The following GYPB variants were observed in gnomAD, a reference collection of about 807,000 sequenced individuals.
The protein encoded by GYPB is glycophorin B (MNS blood group).
In GYPB, 13 loss-of-function variants were observed where a neutral mutation model predicts 15.3. That is an observed-to-expected ratio of 0.85 (90% CI 0.55 to 1.35). The LOEUF is 1.35. Among genes scored for constraint, GYPB ranks in the 40% most tolerant of loss-of-function variants. GYPB has a pLI of 0.00. For missense variants in GYPB, 131 were observed against 108.3 expected (o/e 1.21, Z -0.93); for synonymous variants, 38 against 36.9 (o/e 1.03, Z -0.11).
At chr4:144,009,927 T>G (rs1728132879) in intron 1 of GYPB, among the ~76,000 whole-genome samples, 2 of 144,896 alleles carry the variant, frequency 1.4e-5, no homozygotes, top group Non-Finnish European at 3.1e-5. Flanking sequence ...TTGATTTTTT[T>G]AAGCACTTAA....
intron 1 of GYPB, among the ~76,000 whole-genome samples, chr4:144,009,037 A>G (rs1331806261): frequency 6.6e-6 from 1 of 151,490 alleles, no homozygotes; most frequent in East Asian, 1.9e-4. Context: ...TAGAAATAAC[A>G]TCATTTGCCA....
intron 2 of GYPB, 147 bp from the exon 3 acceptor site, chr4:143,999,596 C>T (rs886188121): frequency 1.7e-6 from 1 of 593,252 alleles, no homozygotes; most frequent in South Asian, 2.1e-5. Context: ...TAGCTAGTAA[C>T]ATTTATGAGG....
In GYPB at chr4:144,000,723, C is replaced by A. The variant is rs547787220; in HGVS notation, c.136+462G>T. Among the ~76,000 whole-genome samples, 212 of 151,164 alleles carry A rather than the reference C, an allele frequency of 1.4e-3. 1 individual carries two copies. Among genetic ancestry groups the A allele is most frequent in the Admixed American group, 3.1e-3 (47 of 15,244 alleles). ...AGCTAATAACTTTTAGACACTTCTTCTTATTTAGCCTTTAGAGAAATGCTG... is the reference window on the plus strand; with the variant it reads ...AGCTAATAACTTTTAGACACTTCTTATTATTTAGCCTTTAGAGAAATGCTG... On this transcript the variant is annotated intron_variant, in intron 2 of 4. Coordinates refer to ENST00000502664, the MANE Select transcript of GYPB (RefSeq NM_002100.6).
intron 1 of GYPB, among the ~76,000 whole-genome samples, chr4:144,007,858 A>G (rs2323429): frequency 0.96 from 144,681 of 150,644 alleles, 70,050 homozygotes; most frequent in South Asian, 1. Context: ...TACTAGCCTC[A>G]AACTCCTAGG....
intron 1 of GYPB, among the ~76,000 whole-genome samples, chr4:144,009,164 T>A (rs1728081806): frequency 6.6e-6 from 1 of 151,308 alleles, no homozygotes; most frequent in African/African-American, 2.5e-5. Flanking sequence ...AGCTCATCAG[T>A]GTGTGAAACA....
intron 1 of GYPB, among the ~76,000 whole-genome samples, chr4:144,017,644 A>G (rs1020216182): frequency 1.3e-5 from 2 of 150,946 alleles, no homozygotes; most frequent in African/African-American, 2.5e-5. Context: ...TTTGCCAGGA[A>G]CCCTTTCCAA....
chr4:144,002,833 T>A (rs1388143559), intron 1 of GYPB: 3 of 429,018 alleles, frequency 7.0e-6, no homozygotes, highest in African/African-American at 6.3e-5. Context: ...GAAGACATGA[T>A]CTATTGTTCC....
chr4:143,998,813 G>T (rs986250864), intron 3 of GYPB, among the ~76,000 whole-genome samples: 3 of 145,230 alleles, frequency 2.1e-5, no homozygotes, highest in Non-Finnish European at 4.5e-5. Flanking sequence ...AAGTACTCAG[G>T]GTTGGTTAGA....
chr4:144,005,491 C>T (rs1259279051), intron 1 of GYPB, among the ~76,000 whole-genome samples: 1 of 151,890 alleles, frequency 6.6e-6, no homozygotes, highest in African/African-American at 2.4e-5. Context: ...TTTTTTTCCA[C>T]ACTAATTTAT....
At chr4:144,017,699 G>A (rs1018140498) in intron 1 of GYPB, among the ~76,000 whole-genome samples, 1 of 151,316 alleles carries the variant, frequency 6.6e-6, no homozygotes, top group African/African-American at 2.5e-5. Context: ...CAAATGCTGG[G>A]CACACCCCCA....
chr4:144,006,113 A>G (rs1339109657), intron 1 of GYPB, among the ~76,000 whole-genome samples: 2 of 151,846 alleles, frequency 1.3e-5, no homozygotes, highest in African/African-American at 4.9e-5. Flanking sequence ...TTCAGTTTTC[A>G]GGCACTGAAA....
chr4:144,000,250 A>T (rs528718605), intron 2 of GYPB: 1 of 214,736 alleles, frequency 4.7e-6, no homozygotes, highest in East Asian at 1.4e-4. Context: ...TGTGGGTGCT[A>T]TATGGGCTTT....
At chr4:144,000,379 A>T in intron 2 of GYPB, 1 of 904,398 alleles carries the variant, frequency 1.1e-6, no homozygotes, top group Non-Finnish European at 1.5e-6. Context: ...AACTAAGAAC[A>T]TAACGTTTTT....
intron 1 of GYPB, among the ~76,000 whole-genome samples, chr4:144,015,877 G>A (rs1349518696): frequency 6.6e-6 from 1 of 150,972 alleles, no homozygotes; most frequent in Non-Finnish European, 1.5e-5. Flanking sequence ...ATAGACACAG[G>A]AAAACTGAGG....
At chr4:144,006,345 G>A (rs1350592388) in intron 1 of GYPB, among the ~76,000 whole-genome samples, 1 of 151,952 alleles carries the variant, frequency 6.6e-6, no homozygotes, top group Non-Finnish European at 1.5e-5. Context: ...TTGGGGGAGA[G>A]AGCATGGACT....
At chr4:144,007,600 A>G (rs1727989736) in intron 1 of GYPB, among the ~76,000 whole-genome samples, 1 of 151,564 alleles carries the variant, frequency 6.6e-6, no homozygotes, top group Non-Finnish European at 1.5e-5. Context: ...CAGCCAGTGC[A>G]CATTCTTCAG....
intron 1 of GYPB, among the ~76,000 whole-genome samples, chr4:144,011,705 T>A (rs1160810189): frequency 4.0e-5 from 6 of 151,328 alleles, no homozygotes; most frequent in African/African-American, 1.5e-4. Context: ...TCACAAGCTA[T>A]TGATTTATAT....
chr4:144,018,158 T>C (rs1728602757), intron 1 of GYPB, among the ~76,000 whole-genome samples: 1 of 151,460 alleles, frequency 6.6e-6, no homozygotes, highest in Non-Finnish European at 1.5e-5. Flanking sequence ...AATATTTTGT[T>C]TAATCTTTAT....
chr4:144,017,453 C>T (rs1269585722), intron 1 of GYPB, among the ~76,000 whole-genome samples: 3 of 150,906 alleles, frequency 2.0e-5, no homozygotes, highest in Non-Finnish European at 4.4e-5. Context: ...TATAAAGTGG[C>T]CACATCCAGA....
Sources: gnomAD v4.1 joint callset for allele counts (sites outside exome capture counted in the v4.1 genomes callset) on GRCh38, gnomAD v4.1.1 for gene constraint, MANE v1.5 for transcripts, NCBI Gene and HGNC (gene_info 2026-07-23, HGNC 2026-07-21) for gene names.